CWF19L2: variants seen among roughly 807,000 people sequenced by gnomAD.
The protein encoded by CWF19L2 is CWF19 like cell cycle control factor 2, also known as CWF19-like protein 2.
Under a neutral mutation model 111.7 loss-of-function variants are expected in CWF19L2, and 98 were observed. The observed-to-expected ratio is 0.88, with a 90% CI of 0.75 to 1.04. The LOEUF (loss-of-function observed/expected upper bound fraction) is 1.04, where lower values mean the gene tolerates loss of function less well. CWF19L2 is among the 50% of genes least tolerant of loss of function. The probability of loss-of-function intolerance (pLI) is 0.00; values close to 1 mark genes in which losing one functional copy is unlikely to be tolerated. For missense variants in CWF19L2, 1,101 were observed against 1,051.4 expected (o/e 1.05, Z -0.65); for synonymous variants, 351 against 342.9 (o/e 1.02, Z -0.26).
intron 10 of CWF19L2, among the ~76,000 whole-genome samples, chr11:107,405,625 A>G (rs1861065617): frequency 1.3e-5 from 2 of 152,096 alleles, no homozygotes; most frequent in Non-Finnish European, 2.9e-5. Flanking sequence ...TGAAACAACC[A>G]CTTTTAGACA....
rs1176347126 is a variant in CWF19L2 at position 107,334,912 on chromosome 11, A to G, written c.2408T>C (p.Ile803Thr). ...DEEWSMNKKLIDLSSKDIRKS... is the reference protein window; with the variant it reads ...DEEWSMNKKLTDLSSKDIRKS... ...TCTGATATCTTTTGAAGAGAGATCT[A>G]TCAACTTCTTGTTCATGGACCACTC... is the stretch of plus-strand genomic sequence containing the variant. Residue 803 changes from isoleucine (I) to threonine (T), a missense_variant, in exon 16 of 18, where the codon ATA becomes ACA. By Grantham distance (89) the Ile-to-Thr change is moderately conservative (BLOSUM62 -1). Coordinates refer to ENST00000282251, the MANE Select transcript of CWF19L2 (RefSeq NM_152434.3). 1.9e-6 allele frequency: 3 copies of G among 1,607,278 alleles called. No homozygotes were observed. In the African/African-American group the frequency reaches 4.0e-5, roughly 21 times the overall value.
intron 12 of CWF19L2, among the ~76,000 whole-genome samples, chr11:107,359,782 G>A (rs977952477): frequency 1.3e-5 from 2 of 152,000 alleles, no homozygotes; most frequent in Non-Finnish European, 2.9e-5. Context: ...AAAAAAGAAG[G>A]AATACTTCCA....
At chr11:107,379,640 A>C (rs1458406366) in intron 12 of CWF19L2, among the ~76,000 whole-genome samples, 1 of 152,252 alleles carries the variant, frequency 6.6e-6, no homozygotes, top group Non-Finnish European at 1.5e-5. Flanking sequence ...GTGAATTCAT[A>C]ACCTACATTT....
At chr11:107,385,417 AT>A (rs1020922081) in intron 12 of CWF19L2, among the ~76,000 whole-genome samples, 8 of 152,154 alleles carry the variant, frequency 5.3e-5, no homozygotes, top group Admixed American at 2.0e-4. Flanking sequence ...ATTGATCAAA[AT>A]TTTTTTTAAA....
intron 6 of CWF19L2, among the ~76,000 whole-genome samples, chr11:107,436,858 T>C (rs1342675488): frequency 6.6e-6 from 1 of 152,202 alleles, no homozygotes; most frequent in Non-Finnish European, 1.5e-5. Context: ...CCTTGGTTTA[T>C]TGAGCTATAA....
chr11:107,376,122 A>G (rs1251446244), intron 12 of CWF19L2, among the ~76,000 whole-genome samples: 4 of 129,446 alleles, frequency 3.1e-5, no homozygotes, highest in East Asian at 2.3e-4. Flanking sequence ...GCAATAATCA[A>G]TAGCTTACCA....
At position 107,353,555 on chromosome 11, in the gene CWF19L2, G is replaced by A; in HGVS notation, c.2054C>T (p.Pro685Leu). 1 of 1,613,660 alleles carries A rather than the reference G, an allele frequency of 6.2e-7. No individual in the cohort carries two copies. Among genetic ancestry groups the A allele is most frequent in the South Asian group, 1.1e-5 (1 of 91,074 alleles). Residue 685 changes from proline to leucine, a missense_variant, in exon 13 of 18, where the codon CCC (proline) becomes CTC (leucine). Physicochemically the swap from Pro to Leu is moderately conservative, Grantham distance 98. Transcript: ENST00000282251. The part of the protein sequence containing the change: ...CLYCFDSSQF[P>L]KHLIVAIGVK... ...ACCTATTGCAACAATAAGATGCTTGGGAAATTGAGAGCTGTCAAAACAATA... is the reference window on the plus strand; with the variant it reads ...ACCTATTGCAACAATAAGATGCTTGAGAAATTGAGAGCTGTCAAAACAATA...
In CWF19L2 at chr11:107,336,545, T is replaced by C. The variant is rs749603788; in HGVS notation, c.2358+13A>G. The C allele has an allele frequency of 1.3e-6, 2 of 1,582,264 alleles. No homozygotes were observed. ...AAAAAATAAGTGTATATGCAAAGAC[T>C]ACTTATAAACACCTTAAAATAGATG... On this transcript the variant is annotated intron_variant, in intron 15 of 17. Transcript: ENST00000282251.
At chr11:107,329,869 ATGTTACCAAAT>A (rs1466435156) in intron 17 of CWF19L2, 38 bp downstream of exon 17, 7 of 1,386,256 alleles carry the variant, frequency 5.0e-6, no homozygotes, top group Non-Finnish European at 6.8e-6. Flanking sequence ...CAAAAGAAAA[ATGTTACCAAAT>A]TGCTAACTCT....
At chr11:107,413,582 C>A (rs1011345861) in intron 10 of CWF19L2, among the ~76,000 whole-genome samples, 2 of 152,110 alleles carry the variant, frequency 1.3e-5, no homozygotes, top group African/African-American at 4.8e-5. Flanking sequence ...CACAAGGACA[C>A]CTGAAAACAA....
At chr11:107,452,971 C>T (rs643392) in intron 3 of CWF19L2, among the ~76,000 whole-genome samples, 40,674 of 151,936 alleles carry the variant, frequency 0.27, 5,786 homozygotes, top group African/African-American at 0.34. Flanking sequence ...AGTGAGGCTC[C>T]ATCTCTAAAA....
chr11:107,352,415 C>A (rs1396567530), intron 13 of CWF19L2, among the ~76,000 whole-genome samples: 1 of 152,048 alleles, frequency 6.6e-6, no homozygotes, highest in Non-Finnish European at 1.5e-5. Flanking sequence ...TAGAGGCTGA[C>A]AAACACTAGA....
chr11:107,373,242 G>A (rs1192544723), intron 12 of CWF19L2, among the ~76,000 whole-genome samples: 2 of 128,324 alleles, frequency 1.6e-5, no homozygotes, highest in Non-Finnish European at 3.3e-5. Flanking sequence ...AAAGCAGCCA[G>A]GAAGCTCGAA....
At chr11:107,449,006 G>GA (rs546440752) in intron 3 of CWF19L2, among the ~76,000 whole-genome samples, 16 of 146,930 alleles carry the variant, frequency 1.1e-4, no homozygotes, top group South Asian at 2.1e-4. Context: ...AAATAATGAT[G>GA]AAAAAAAAAG....
intron 12 of CWF19L2, among the ~76,000 whole-genome samples, chr11:107,379,015 C>G (rs1157530977): frequency 6.6e-6 from 1 of 152,034 alleles, no homozygotes; most frequent in Non-Finnish European, 1.5e-5. Flanking sequence ...GATAGTAGTA[C>G]TACACAATGG....
intron 12 of CWF19L2, among the ~76,000 whole-genome samples, chr11:107,380,236 A>AAGTCTAATTTG: frequency 6.6e-6 from 1 of 152,254 alleles, no homozygotes; most frequent in East Asian, 1.9e-4. Context: ...TAATTCTTAC[A>AAGTCTAATTTG]AAACCATTTC....
chr11:107,364,471 C>T (rs1208600439), intron 12 of CWF19L2, among the ~76,000 whole-genome samples: 1 of 147,592 alleles, frequency 6.8e-6, no homozygotes, highest in African/African-American at 2.6e-5. Context: ...ATAACAAACT[C>T]TCTCTCAGAC....
chr11:107,349,890 T>G (rs188473553), intron 13 of CWF19L2, among the ~76,000 whole-genome samples: 1 of 152,196 alleles, frequency 6.6e-6, no homozygotes, highest in East Asian at 1.9e-4. Flanking sequence ...GGGTCATGGG[T>G]ATGTCTATAG....
At chr11:107,341,507 T>A (rs941096002) in intron 14 of CWF19L2, among the ~76,000 whole-genome samples, 2 of 152,180 alleles carry the variant, frequency 1.3e-5, no homozygotes, top group South Asian at 2.1e-4. Context: ...TTGTTGATAA[T>A]TTTTACATCT....
Sources: allele counts gnomAD v4.1 joint callset (sites outside exome capture counted in the v4.1 genomes callset), GRCh38; gene constraint gnomAD v4.1.1; transcripts MANE v1.5; gene names NCBI Gene and HGNC (gene_info 2026-07-23, HGNC 2026-07-21).